Variants in ZRANB3 observed in about 807,000 individuals in gnomAD.
ZRANB3 encodes the protein zinc finger RANBP2-type containing 3.
A neutral mutation model predicts 133.8 loss-of-function variants in ZRANB3; 125 were observed. The observed-to-expected ratio is 0.93, with a 90% CI of 0.81 to 1.08. The LOEUF is 1.08. Among genes scored for constraint, ZRANB3 ranks in the 50% least tolerant of loss-of-function variants. The pLI is 0.00. For missense variants in ZRANB3, 1,229 were observed against 1,275.5 expected (o/e 0.96, Z 0.56); for synonymous variants, 387 against 432.7 (o/e 0.89, Z 1.31).
intron 2 of ZRANB3, among the ~76,000 whole-genome samples, chr2:135,493,069 C>A (rs1321132825): frequency 1.7e-5 from 2 of 114,706 alleles, no homozygotes; most frequent in African/African-American, 3.3e-5. Context: ...TCCTACCTCA[C>A]CCCGTATTTA....
chr2:135,344,257 C>T (rs1251993071), intron 6 of ZRANB3, among the ~76,000 whole-genome samples: 4 of 152,112 alleles, frequency 2.6e-5, no homozygotes, highest in African/African-American at 4.8e-5. Context: ...CAATAGCAGA[C>T]GTGAAAATAA....
chr2:135,268,518 G>A (rs1273229721), intron 11 of ZRANB3, among the ~76,000 whole-genome samples: 1 of 152,160 alleles, frequency 6.6e-6, no homozygotes, highest in Non-Finnish European at 1.5e-5. Context: ...TGTCAAGACT[G>A]AGGAAATGAG....
At chr2:135,506,261 A>G (rs995427376) in intron 1 of ZRANB3, among the ~76,000 whole-genome samples, 5 of 152,170 alleles carry the variant, frequency 3.3e-5, no homozygotes, top group African/African-American at 1.2e-4. Context: ...GTGGTGGCAC[A>G]GGCCTGTAAT....
chr2:135,516,606 C>T (rs1693709321), intron 1 of ZRANB3, among the ~76,000 whole-genome samples: 1 of 152,214 alleles, frequency 6.6e-6, no homozygotes, highest in Admixed American at 6.5e-5. Context: ...CCACTCTCTT[C>T]TGGCTTGTAG....
intron 5 of ZRANB3, among the ~76,000 whole-genome samples, chr2:135,347,528 C>T (rs548024947): frequency 3.9e-5 from 6 of 152,162 alleles, no homozygotes; most frequent in South Asian, 4.2e-4. Context: ...GTGATCTGCC[C>T]GCCTCAGCCT....
At chr2:135,408,550 C>G (rs1172357050) in intron 2 of ZRANB3, among the ~76,000 whole-genome samples, 2 of 152,158 alleles carry the variant, frequency 1.3e-5, no homozygotes, top group Non-Finnish European at 2.9e-5. Context: ...GCACTATTCA[C>G]AATAGCAAAG....
At chr2:135,409,119 G>A (rs999545847) in intron 2 of ZRANB3, among the ~76,000 whole-genome samples, 3 of 152,096 alleles carry the variant, frequency 2.0e-5, no homozygotes, top group South Asian at 2.1e-4. Context: ...ATCATAGTGG[G>A]AGGTGAAGGA....
In ZRANB3 at chr2:135,244,640, C is replaced by T. The variant is rs111479561; in HGVS notation, c.1540-13713G>A. 3.1e-3 allele frequency among the ~76,000 whole-genome samples: 453 copies of T among 146,294 alleles called. 3 individuals are homozygous for T. Among genetic ancestry groups the T allele is most frequent in the African/African-American group, 0.011 (421 of 37,844 alleles). ...ATAAATAAATAAATAAATAAATAAA[C>T]AAACAAAACAACTAAAGAAACCTCC... On this transcript the variant is annotated intron_variant, in intron 12 of 20. Coordinates refer to ENST00000264159, the MANE Select transcript of ZRANB3 (RefSeq NM_032143.4).
At chr2:135,261,056 T>C (rs1290491529) in intron 12 of ZRANB3, among the ~76,000 whole-genome samples, 1 of 150,654 alleles carries the variant, frequency 6.6e-6, no homozygotes, top group Non-Finnish European at 1.5e-5. Flanking sequence ...TTAAAAACCA[T>C]CCAATTAGAA....
chr2:135,461,083 A>C (rs1379873295), intron 2 of ZRANB3, among the ~76,000 whole-genome samples: 1 of 152,222 alleles, frequency 6.6e-6, no homozygotes, highest in East Asian at 1.9e-4. Context: ...TTGGATAGCA[A>C]TAGAGAACAG....
chr2:135,251,776 C>T (rs1344828094), intron 12 of ZRANB3, among the ~76,000 whole-genome samples: 1 of 152,202 alleles, frequency 6.6e-6, no homozygotes. Flanking sequence ...GTGGCTCACA[C>T]CTGTAATCCC....
At chr2:135,514,919 T>C (rs1693638616) in intron 1 of ZRANB3, among the ~76,000 whole-genome samples, 3 of 152,178 alleles carry the variant, frequency 2.0e-5, no homozygotes, top group Non-Finnish European at 4.4e-5. Flanking sequence ...ATTGGTTATG[T>C]TTATGTGATG....
At position 135,285,866 on chromosome 2, in the gene ZRANB3, A is replaced by C. The variant is rs1042543454; in HGVS notation, c.967-10111T>G. 2.0e-5 allele frequency among the ~76,000 whole-genome samples: 3 copies of C among 152,334 alleles called. No individual in the cohort carries two copies. In the East Asian group the frequency reaches 5.8e-4, roughly 29 times the overall value. On this transcript the variant is annotated intron_variant, in intron 8 of 20. Transcript: ENST00000264159. ...TCTAGGAGAATATTATGCTGATCAC[A>C]AATCTGAAGAATTTGTTTATTTTCA...
At chr2:135,243,774 A>G (rs1695660322) in intron 12 of ZRANB3, among the ~76,000 whole-genome samples, 1 of 151,984 alleles carries the variant, frequency 6.6e-6, no homozygotes, top group South Asian at 2.1e-4. Context: ...GCATGCTGCC[A>G]TGTCTGGTTA....
At chr2:135,251,950 G>C (rs1189563294) in intron 12 of ZRANB3, among the ~76,000 whole-genome samples, 2 of 152,176 alleles carry the variant, frequency 1.3e-5, no homozygotes, top group Non-Finnish European at 2.9e-5. Flanking sequence ...CAGGAGAATT[G>C]CTTGAACCCA....
intron 3 of ZRANB3, among the ~76,000 whole-genome samples, chr2:135,359,126 G>T (rs1048655599): frequency 1.3e-5 from 2 of 152,022 alleles, no homozygotes; most frequent in Admixed American, 6.6e-5. Flanking sequence ...ATTTTGAGTG[G>T]AAAGGTCCAT....
intron 6 of ZRANB3, among the ~76,000 whole-genome samples, chr2:135,343,092 A>C (rs1684768254): frequency 7.0e-6 from 1 of 142,598 alleles, no homozygotes. Context: ...AGGCTGAGGC[A>C]GGAGAACTGC....
At chr2:135,414,695 T>C (rs1378808749) in intron 2 of ZRANB3, among the ~76,000 whole-genome samples, 1 of 152,148 alleles carries the variant, frequency 6.6e-6, no homozygotes, top group East Asian at 1.9e-4. Context: ...ATTGACCACA[T>C]ACTTGGAAGT....
At chr2:135,299,645 T>C (rs1472319539) in intron 8 of ZRANB3, among the ~76,000 whole-genome samples, 1 of 152,162 alleles carries the variant, frequency 6.6e-6, no homozygotes, top group Non-Finnish European at 1.5e-5. Flanking sequence ...TTAAGAACTA[T>C]CTGAAAAAGA....
Sources: gnomAD v4.1 joint callset for allele counts (sites outside exome capture counted in the v4.1 genomes callset) on GRCh38, gnomAD v4.1.1 for gene constraint, MANE v1.5 for transcripts, NCBI Gene and HGNC (gene_info 2026-07-23, HGNC 2026-07-21) for gene names.